HOMER1: variants seen among roughly 807,000 people sequenced by gnomAD.
HOMER1 encodes the protein homer protein homolog 1.
Under a neutral mutation model 48.9 loss-of-function variants are expected in HOMER1, and 3 were observed. The observed-to-expected ratio is 0.06, with a 90% CI of 0.03 to 0.16. The LOEUF is 0.16. HOMER1 is among the 10% of genes least tolerant of loss of function. The probability of loss-of-function intolerance (pLI) is 1.00; values close to 1 mark genes in which losing one functional copy is unlikely to be tolerated. For missense variants in HOMER1, 247 were observed against 411.4 expected, an observed-to-expected ratio of 0.60 and a Z score of 3.46; for synonymous variants, 134 against 146.4, an observed-to-expected ratio of 0.92 and a Z score of 0.61.
chr5:79,377,254 C>T (rs2112181325), intron 8 of HOMER1, among the ~76,000 whole-genome samples: 1 of 152,234 alleles, frequency 6.6e-6, no homozygotes, highest in African/African-American at 2.4e-5. Context: ...GCGTGAGCCA[C>T]CCCGCCTGGC....
chr5:79,511,494 T>G (rs1281536265), intron 1 of HOMER1, among the ~76,000 whole-genome samples: 3 of 152,170 alleles, frequency 2.0e-5, no homozygotes, highest in African/African-American at 4.8e-5. Flanking sequence ...AGGTAAGAAA[T>G]AGAGTCCACA....
chr5:79,502,325 A>G (rs983239394), intron 1 of HOMER1, among the ~76,000 whole-genome samples: 11 of 152,008 alleles, frequency 7.2e-5, no homozygotes, highest in Admixed American at 4.6e-4. Flanking sequence ...GCCAGTCCTG[A>G]TAACATTTTA....
In HOMER1 at chr5:79,375,489, A is replaced by T. The variant is rs1748746402; in HGVS notation, c.*520T>A. ...GATACAGCTCTCTCTCACTCCTGGC[A>T]AGAATTAATTGGTAATGGCACTGCT... On this transcript the variant is annotated 3_prime_UTR_variant, in exon 9 of 9. Transcript: ENST00000334082. The T allele has an allele frequency of 6.6e-6, 1 of 152,156 alleles. No individual in the cohort carries two copies. Among genetic ancestry groups the T allele is most frequent in the African/African-American group, 2.4e-5 (1 of 41,460 alleles). 9.4% of individuals were successfully genotyped at this position (152,156 alleles called of 1,614,324 possible). A position where few individuals can be genotyped will look rare whatever the true frequency, so the allele number is the denominator to read the frequency against.
At chr5:79,496,392 G>T (rs1752422435) in intron 1 of HOMER1, among the ~76,000 whole-genome samples, 1 of 152,278 alleles carries the variant, frequency 6.6e-6, no homozygotes, top group East Asian at 1.9e-4. Context: ...CTGGCTTTCA[G>T]ATTACAGCAG....
intron 4 of HOMER1, among the ~76,000 whole-genome samples, chr5:79,446,725 G>A (rs1380622659): frequency 1.3e-5 from 2 of 150,526 alleles, no homozygotes; most frequent in East Asian, 1.9e-4. Flanking sequence ...CTGCAGCCTC[G>A]ACCTCCCAGT....
chr5:79,495,876 T>C (rs1752405144), intron 1 of HOMER1, among the ~76,000 whole-genome samples: 1 of 152,186 alleles, frequency 6.6e-6, no homozygotes, highest in Admixed American at 6.5e-5. Flanking sequence ...ATTCAAAAGC[T>C]AAGGGCTCGG....
chr5:79,414,318 C>T (rs2112238006), intron 5 of HOMER1, among the ~76,000 whole-genome samples: 1 of 151,614 alleles, frequency 6.6e-6, no homozygotes, highest in East Asian at 1.9e-4. Context: ...TGGTCTCAAA[C>T]TCCTGGACTC....
At position 79,406,318 on chromosome 5, in the gene HOMER1, G is replaced by A. The variant is rs190359461; in HGVS notation, c.528-4263C>T. The stretch of plus-strand genomic sequence containing the variant: ...TACTATACGTTAATGATAAAATCTA[G>A]GTAAGTGTAATCATTTTATTTTCTA... On this transcript the variant is annotated intron_variant, in intron 5 of 8. Transcript: ENST00000334082. Among the ~76,000 whole-genome samples the A allele has an allele frequency of 4.2e-3, 643 of 152,206 alleles. 2 individuals are homozygous for A. The highest frequency in any genetic ancestry group is 0.014 in the African/African-American group (568 of 41,512).
chr5:79,496,595 A>C (rs1752427540), intron 1 of HOMER1, among the ~76,000 whole-genome samples: 1 of 152,130 alleles, frequency 6.6e-6, no homozygotes, highest in South Asian at 2.1e-4. Flanking sequence ...CACCACCTAA[A>C]TATCTAAGAT....
intron 1 of HOMER1, among the ~76,000 whole-genome samples, chr5:79,511,165 A>AT (rs139279646): frequency 0.015 from 2,230 of 152,142 alleles, 49 homozygotes; most frequent in African/African-American, 0.051. Flanking sequence ...CTGCTGCTTG[A>AT]TTTTTTTTCC....
At position 79,373,361 on chromosome 5, in the gene HOMER1, A is replaced by C. The variant is rs371330966; in HGVS notation, c.*2648T>G. On this transcript the variant is annotated 3_prime_UTR_variant, in exon 9 of 9. Coordinates refer to ENST00000334082, the MANE Select transcript of HOMER1 (RefSeq NM_004272.5). ...TTCAATAGTTATCACATATTAACTT[A>C]TACACAATGGGATCAACCTCCTCCT... 52 of 151,760 alleles carry C rather than the reference A, an allele frequency of 3.4e-4. No individual in the cohort carries two copies. The highest frequency in any genetic ancestry group is 1.3e-3 in the African/African-American group (52 of 41,414). 9.4% of individuals were successfully genotyped at this position (151,760 alleles called of 1,614,324 possible). A position where few individuals can be genotyped will look rare whatever the true frequency, so the allele number is the denominator to read the frequency against.
chr5:79,429,280 C>T (rs1031433093), intron 5 of HOMER1, among the ~76,000 whole-genome samples: 1 of 152,064 alleles, frequency 6.6e-6, no homozygotes, highest in Non-Finnish European at 1.5e-5. Context: ...CACTTTGAGG[C>T]ATGAAAATCG....
At chr5:79,499,944 C>T (rs557126103) in intron 1 of HOMER1, among the ~76,000 whole-genome samples, 1 of 152,198 alleles carries the variant, frequency 6.6e-6, no homozygotes, top group African/African-American at 2.4e-5. Flanking sequence ...AATAACACCA[C>T]GAGACCCATA....
intron 5 of HOMER1, among the ~76,000 whole-genome samples, chr5:79,431,869 C>G (rs1580447225): frequency 6.6e-6 from 1 of 152,224 alleles, no homozygotes; most frequent in Non-Finnish European, 1.5e-5. Context: ...CTTATTTCCA[C>G]ATGAAGTATG....
intron 8 of HOMER1, among the ~76,000 whole-genome samples, chr5:79,386,266 G>A (rs1749106953): frequency 6.6e-6 from 1 of 152,124 alleles, no homozygotes; most frequent in Admixed American, 6.6e-5. Context: ...TATATACAAT[G>A]GAATATTATT....
chr5:79,475,428 CTTTT>C (rs370912747), intron 1 of HOMER1, among the ~76,000 whole-genome samples: 4 of 127,056 alleles, frequency 3.1e-5, no homozygotes, highest in Non-Finnish European at 3.3e-5. Flanking sequence ...AATTCTTAGA[CTTTT>C]TTTTTTTTTT....
At chr5:79,385,711 T>C (rs1749091425) in intron 8 of HOMER1, among the ~76,000 whole-genome samples, 2 of 151,838 alleles carry the variant, frequency 1.3e-5, no homozygotes, top group Admixed American at 1.3e-4. Context: ...GGCATGTTGG[T>C]GGGCATCTGT....
intron 1 of HOMER1, among the ~76,000 whole-genome samples, chr5:79,479,996 G>C (rs571728699): frequency 6.6e-6 from 1 of 152,284 alleles, no homozygotes; most frequent in African/African-American, 2.4e-5. Context: ...ACAAATTACT[G>C]TCATGGGACA....
intron 1 of HOMER1, among the ~76,000 whole-genome samples, chr5:79,506,104 TTTTA>T (rs145852965): frequency 2.1e-4 from 18 of 87,586 alleles, no homozygotes; most frequent in Middle Eastern, 4.8e-3. Flanking sequence ...TTTTAAAAAC[TTTTA>T]TTTATTTATT....
Sources: allele counts gnomAD v4.1 joint callset (sites outside exome capture counted in the v4.1 genomes callset), GRCh38; gene constraint gnomAD v4.1.1; transcripts MANE v1.5; gene names NCBI Gene and HGNC (gene_info 2026-07-23, HGNC 2026-07-21).